BCAR3: variants seen among roughly 807,000 people sequenced by gnomAD.
BCAR3 encodes the protein breast cancer anti-estrogen resistance protein 3.
A neutral mutation model predicts 80.1 loss-of-function variants in BCAR3; 37 were observed. The observed-to-expected ratio is 0.46, with a 90% CI of 0.36 to 0.61. The LOEUF is 0.61. Ranked by LOEUF, BCAR3 falls within the 20% of genes least tolerant of loss-of-function variation. BCAR3 has a pLI of 0.00. For synonymous variants in BCAR3, 389 were observed against 418.9 expected, an observed-to-expected ratio of 0.93 and a Z score of 0.87; for missense variants, 978 against 1,068.2, an observed-to-expected ratio of 0.92 and a Z score of 1.18.
At chr1:93,805,776 C>T (rs961415652) in intron 2 of BCAR3, among the ~76,000 whole-genome samples, 10 of 152,028 alleles carry the variant, frequency 6.6e-5, no homozygotes, top group African/African-American at 2.4e-4. Flanking sequence ...AACAGACAAA[C>T]ATAATTTTAG....
In BCAR3 at chr1:93,726,399, C is replaced by T. The variant is rs528895704; in HGVS notation, c.-62-20257G>A. ...ATTAGCTATTCTTAATACTTTACAG[C>T]CCACCTAAATTTGGAATTATCTTGT... On this transcript the variant is annotated intron_variant, in intron 2 of 13. Transcript: ENST00000370244. 3.9e-5 allele frequency among the ~76,000 whole-genome samples: 6 copies of T among 152,220 alleles called. No individual in the cohort carries two copies. In the South Asian group the frequency reaches 1.2e-3, roughly 32 times the overall value.
chr1:93,614,259 G>A, intron 3 of BCAR3: 2 of 637,148 alleles, frequency 3.1e-6, no homozygotes, highest in Non-Finnish European at 3.9e-6. Context: ...GGCTTTAGCT[G>A]TCCCCTCAAT....
intron 2 of BCAR3, among the ~76,000 whole-genome samples, chr1:93,796,425 G>T (rs1191910972): frequency 6.8e-6 from 1 of 146,824 alleles, no homozygotes. Flanking sequence ...TTTTCCAGGT[G>T]CGTCCGTCAC....
chr1:93,617,193 C>A (rs1245124891), intron 3 of BCAR3, among the ~76,000 whole-genome samples: 1 of 152,164 alleles, frequency 6.6e-6, no homozygotes, highest in African/African-American at 2.4e-5. Flanking sequence ...CTGAGAAGGG[C>A]CAAGAGAGTG....
chr1:93,589,571 T>C lies in BCAR3; in HGVS notation c.487-152A>G, dbSNP rs977248015. On this transcript the variant is annotated intron_variant, in intron 4 of 11. Transcript: ENST00000260502. ...TTTAGTTTTTCAAAGATCAAATTCA[T>C]AGAAGAGCCAATCATTCATTCAAGA... The C allele has an allele frequency of 1.1e-5, 8 of 713,786 alleles. No homozygotes were observed. In the African/African-American group the frequency reaches 1.3e-4, roughly 11 times the overall value. The allele number at this position is 713,786 out of a possible 1,614,324, so 44.2% of individuals were successfully genotyped here. A position where few individuals can be genotyped will look rare whatever the true frequency, so the allele number is the denominator to read the frequency against.
chr1:93,839,217 G>A (rs1390970714), intron 2 of BCAR3, among the ~76,000 whole-genome samples: 2 of 152,176 alleles, frequency 1.3e-5, no homozygotes, highest in Non-Finnish European at 2.9e-5. Flanking sequence ...CGCTTGAATC[G>A]TGGAGGTTGC....
chr1:93,778,943 C>T (rs1420087725), intron 2 of BCAR3, among the ~76,000 whole-genome samples: 1 of 152,128 alleles, frequency 6.6e-6, no homozygotes, highest in Non-Finnish European at 1.5e-5. Context: ...TTGAAAGCCT[C>T]AAGCTTTGGT....
intron 2 of BCAR3, among the ~76,000 whole-genome samples, chr1:93,837,175 C>T (rs1037857791): frequency 3.3e-5 from 5 of 152,084 alleles, no homozygotes; most frequent in African/African-American, 1.2e-4. Context: ...TGAGACTGTG[C>T]CATTGCACTC....
At chr1:93,759,734 G>C (rs903551231) in intron 2 of BCAR3, among the ~76,000 whole-genome samples, 4 of 152,156 alleles carry the variant, frequency 2.6e-5, no homozygotes, top group Admixed American at 1.3e-4. Flanking sequence ...ATAAGAAAGA[G>C]AAAATGATAG....
At chr1:93,676,277 T>C (rs144679477) in intron 1 of BCAR3, among the ~76,000 whole-genome samples, 2 of 152,134 alleles carry the variant, frequency 1.3e-5, no homozygotes, top group African/African-American at 2.4e-5. Flanking sequence ...CACAAGCTGA[T>C]AGAAGTGGAG....
Position 93,592,176 on chromosome 1 carries a change from G to T in BCAR3, c.486+89C>A. On this transcript the variant is annotated intron_variant, in intron 4 of 11. Transcript: ENST00000260502. This position sits in a 1 kb window ranked among gnomAD's most constrained non-coding sequence, Gnocchi z 4.8. ...TGGTTACACAGGTGCTTCCGCCCAT[G>T]TGGCCTCGGAGTGGGACCCTGCGGG... is the stretch of plus-strand genomic sequence containing the variant. 1 of 1,559,412 alleles carries T rather than the reference G, an allele frequency of 6.4e-7. No homozygotes were observed. Among genetic ancestry groups the T allele is most frequent in the Non-Finnish European group, 8.7e-7 (1 of 1,152,860 alleles).
At chr1:93,603,523 C>A (rs1253324374) in intron 3 of BCAR3, among the ~76,000 whole-genome samples, 1 of 152,244 alleles carries the variant, frequency 6.6e-6, no homozygotes, top group East Asian at 1.9e-4. Flanking sequence ...TCTGGCCTCA[C>A]TGGGCCCCTT....
chr1:93,622,999 G>A (rs1452514930), intron 3 of BCAR3, among the ~76,000 whole-genome samples: 1 of 152,152 alleles, frequency 6.6e-6, no homozygotes, highest in African/African-American at 2.4e-5. Context: ...GTGATAAGAT[G>A]TGGGAATCCA....
In BCAR3 at chr1:93,755,497, G is replaced by A. The variant is rs1651711816; in HGVS notation, c.-62-49355C>T. Among the ~76,000 whole-genome samples, 5 of 152,130 alleles carry A rather than the reference G, an allele frequency of 3.3e-5. No individual in the cohort carries two copies. In the South Asian group the frequency reaches 1.0e-3, roughly 32 times the overall value. ...TCTTTTCTATGTTCAGACATGTTTA[G>A]ATACACAAATACTTAGCATTCTGAT... is the stretch of plus-strand genomic sequence containing the variant. On this transcript the variant is annotated intron_variant, in intron 2 of 13. Transcript: ENST00000370244.
rs549497835 is a variant in BCAR3 at position 93,736,546 on chromosome 1, G to A, written c.-62-30404C>T. On this transcript the variant is annotated intron_variant, in intron 2 of 13. Coordinates refer to the BCAR3 transcript ENST00000370244. ...TCTACTAAGCCCTACAGAATGGTAG[G>A]TGCCCTCAAACTGTTCATGTATGTA... Among the ~76,000 whole-genome samples the A allele has an allele frequency of 8.5e-5, 13 of 152,324 alleles. No homozygotes were observed. In the South Asian group the frequency reaches 2.1e-3, roughly 24 times the overall value.
At chr1:93,563,593 T>TAA (rs1304547782) in intron 11 of BCAR3, among the ~76,000 whole-genome samples, 2 of 152,250 alleles carry the variant, frequency 1.3e-5, no homozygotes, top group Non-Finnish European at 2.9e-5. Context: ...AAGAAACTAT[T>TAA]AAACTCTATT....
At chr1:93,575,178 G>A (rs750499719) in intron 8 of BCAR3, among the ~76,000 whole-genome samples, 79 of 152,184 alleles carry the variant, frequency 5.2e-4, no homozygotes, top group Non-Finnish European at 1.1e-3. Flanking sequence ...TGCAGAATGC[G>A]TCTGTTACCA....
At chr1:93,581,627 T>G (rs1248118456) in intron 7 of BCAR3, among the ~76,000 whole-genome samples, 2 of 152,092 alleles carry the variant, frequency 1.3e-5, no homozygotes, top group African/African-American at 4.8e-5. Flanking sequence ...AGGCTGGTCT[T>G]GAACTCCTGA....
chr1:93,584,669 G>T (rs1041316373), intron 5 of BCAR3, among the ~76,000 whole-genome samples: 1 of 152,222 alleles, frequency 6.6e-6, no homozygotes, highest in Non-Finnish European at 1.5e-5. Flanking sequence ...GCTCTCGGGG[G>T]ACCCCCACAC....
Sources: allele counts gnomAD v4.1 joint callset (sites outside exome capture counted in the v4.1 genomes callset), GRCh38; gene constraint gnomAD v4.1.1; non-coding constraint Gnocchi (gnomAD v3.1); transcripts MANE v1.5; gene names NCBI Gene and HGNC (gene_info 2026-07-23, HGNC 2026-07-21).